Variants in LRRC7 observed in about 807,000 individuals in gnomAD.
LRRC7 encodes leucine rich repeat containing 7, also known as leucine-rich repeat-containing protein 7.
In LRRC7, 23 loss-of-function variants were observed where a neutral mutation model predicts 175.7. The observed-to-expected ratio is 0.13, with a 90% CI of 0.09 to 0.19. The LOEUF is 0.19. Ranked by LOEUF, LRRC7 falls within the 10% of genes least tolerant of loss-of-function variation. LRRC7 has a pLI of 1.00. For synonymous variants in LRRC7, 685 were observed against 680.9 expected, an observed-to-expected ratio of 1.01 and a Z score of -0.09; for missense variants, 1,354 against 1,904.7, an observed-to-expected ratio of 0.71 and a Z score of 5.38.
chr1:69,837,919 T>G (rs937765240), intron 6 of LRRC7, among the ~76,000 whole-genome samples: 1 of 151,462 alleles, frequency 6.6e-6, no homozygotes, highest in Non-Finnish European at 1.5e-5. Context: ...CATAGTAAAA[T>G]TTATTTTTAT....
chr1:69,903,158 A>C (rs1646186922), intron 7 of LRRC7, among the ~76,000 whole-genome samples: 1 of 152,190 alleles, frequency 6.6e-6, no homozygotes, highest in South Asian at 2.1e-4. Context: ...TTTGTTCTTA[A>C]GTTGCCATTG....
rs184994299 is a variant in LRRC7, at chr1:69,652,687, A to G, written c.3-25694A>G. ...GAACCTCAAAGGACTCTGAATAGCC[A>G]TAACAGTCTTCAAAAAAAAAATAAT... On this transcript the variant is annotated intron_variant, in intron 1 of 26. Coordinates refer to ENST00000651989, the MANE Select transcript of LRRC7 (RefSeq NM_001370785.2). 9.2e-3 allele frequency among the ~76,000 whole-genome samples: 1,397 copies of G among 152,162 alleles called. 11 individuals carry two copies. The highest frequency in any genetic ancestry group is 0.013 in the Non-Finnish European group (853 of 67,986).
Position 70,136,511 on chromosome 1 carries a change from CA to C in LRRC7, c.*14628del, listed in dbSNP as rs1448685458. On this transcript the variant is annotated 3_prime_UTR_variant, in exon 27 of 27. Transcript: ENST00000651989. ...ATGTTAATGAACAAGGGGTTATGTTCAAAATTCTATTATAAGAACAATGGAA... is the reference window on the plus strand; with the variant it reads ...ATGTTAATGAACAAGGGGTTATGTTCAAATTCTATTATAAGAACAATGGAA... Among the ~76,000 whole-genome samples, 2 of 151,868 alleles carry C rather than the reference CA, an allele frequency of 1.3e-5. No individual in the cohort carries two copies. The highest frequency in any genetic ancestry group is 2.9e-5 in the Non-Finnish European group (2 of 67,976).
intron 1 of LRRC7, among the ~76,000 whole-genome samples, chr1:69,633,057 A>T (rs1652761522): frequency 6.6e-6 from 1 of 151,978 alleles, no homozygotes; most frequent in African/African-American, 2.4e-5. Context: ...TCTTTGTGGG[A>T]TAATATCTGA....
At chr1:69,637,381 G>A (rs968055722) in intron 1 of LRRC7, among the ~76,000 whole-genome samples, 3 of 151,776 alleles carry the variant, frequency 2.0e-5, no homozygotes, top group Non-Finnish European at 2.9e-5. Context: ...AAGTCTTGGG[G>A]TTAATTCTAC....
chr1:70,076,036 A>G (rs1191682511), intron 23 of LRRC7, 41 bp from the exon 24 acceptor site: 1 of 1,604,890 alleles, frequency 6.2e-7, no homozygotes, highest in Admixed American at 1.7e-5. Context: ...ACATCCTTTC[A>G]GCACCATGAA....
In LRRC7 at chr1:70,141,115, A is replaced by G. The variant is rs1382565851; in HGVS notation, c.*19228A>G. The stretch of plus-strand genomic sequence containing the variant: ...GGAGTCATCCCAGAGTTCTAAGCTC[A>G]TAAAGAGGAAGAGATAACAAAAGAT... On this transcript the variant is annotated 3_prime_UTR_variant, in exon 27 of 27. Transcript: ENST00000651989. 6.6e-6 allele frequency among the ~76,000 whole-genome samples: 1 copy of G among 152,112 alleles called. No individual in the cohort carries two copies. Among genetic ancestry groups the G allele is most frequent in the East Asian group, 1.9e-4 (1 of 5,178 alleles).
chr1:69,982,038 C>A (rs1392888213), intron 9 of LRRC7, among the ~76,000 whole-genome samples: 1 of 152,188 alleles, frequency 6.6e-6, no homozygotes, highest in East Asian at 1.9e-4. Flanking sequence ...CCCAAAGGCT[C>A]TCTATGGAAC....
At chr1:69,633,555 A>C (rs1652848149) in intron 1 of LRRC7, among the ~76,000 whole-genome samples, 1 of 151,950 alleles carries the variant, frequency 6.6e-6, no homozygotes. Context: ...CAGCCTCCCA[A>C]GTAGGTGGTA....
chr1:69,612,266 A>T (rs1268403671), intron 1 of LRRC7, among the ~76,000 whole-genome samples: 1 of 152,074 alleles, frequency 6.6e-6, no homozygotes, highest in Non-Finnish European at 1.5e-5. Flanking sequence ...ACTATATCAA[A>T]ACTTGATCTG....
At chr1:69,882,045 G>C (rs1311571473) in intron 7 of LRRC7, among the ~76,000 whole-genome samples, 1 of 145,010 alleles carries the variant, frequency 6.9e-6, no homozygotes, top group Non-Finnish European at 1.5e-5. Flanking sequence ...AAATAACCCA[G>C]TTTACAAAAT....
intron 2 of LRRC7, among the ~76,000 whole-genome samples, chr1:69,709,863 A>G (rs568818362): frequency 6.6e-6 from 1 of 152,230 alleles, no homozygotes; most frequent in African/African-American, 2.4e-5. Flanking sequence ...AGATTTTTTA[A>G]GTTTATTTCT....
intron 11 of LRRC7, among the ~76,000 whole-genome samples, chr1:69,997,609 A>G (rs1174742921): frequency 1.3e-5 from 2 of 150,982 alleles, no homozygotes; most frequent in South Asian, 4.2e-4. Flanking sequence ...TTTTAGCATG[A>G]AGGGTTGTTG....
In LRRC7 at chr1:69,715,371, A is replaced by T. The variant is rs1665226968; in HGVS notation, c.100+36893A>T. Among the ~76,000 whole-genome samples the T allele has an allele frequency of 2.0e-5, 3 of 152,292 alleles. No homozygotes were observed. The South Asian group carries it at 6.2e-4, about 32-fold the overall frequency. On this transcript the variant is annotated intron_variant, in intron 2 of 26. Coordinates refer to ENST00000651989, the MANE Select transcript of LRRC7 (RefSeq NM_001370785.2). ...TATAAAGGCTCTATATTGAGTATTCAAATTAATAAATTTAAAGTACATTTT... is the reference window on the plus strand; with the variant it reads ...TATAAAGGCTCTATATTGAGTATTCTAATTAATAAATTTAAAGTACATTTT...
At chr1:69,619,624 C>A (rs1773343) in intron 1 of LRRC7, among the ~76,000 whole-genome samples, 19,526 of 152,010 alleles carry the variant, frequency 0.13, 1,600 homozygotes, top group South Asian at 0.19. Context: ...AATTTCCCCC[C>A]AAAATTAACA....
At chr1:69,857,676 C>G (rs1389947836) in intron 7 of LRRC7, among the ~76,000 whole-genome samples, 1 of 152,096 alleles carries the variant, frequency 6.6e-6, no homozygotes, top group Non-Finnish European at 1.5e-5. Flanking sequence ...GTAAAAATGG[C>G]CATACTGCCC....
At chr1:69,673,635 C>T (rs1659402935) in intron 1 of LRRC7, among the ~76,000 whole-genome samples, 1 of 152,082 alleles carries the variant, frequency 6.6e-6, no homozygotes. Flanking sequence ...GTTCAAGTAA[C>T]CAGAAGTGTA....
intron 18 of LRRC7, among the ~76,000 whole-genome samples, chr1:70,029,559 T>C (rs1658486441): frequency 6.6e-6 from 1 of 152,162 alleles, no homozygotes; most frequent in Non-Finnish European, 1.5e-5. Context: ...TTATACTTTT[T>C]CCTTTCCAAA....
At chr1:69,891,069 T>C (rs1418184977) in intron 7 of LRRC7, among the ~76,000 whole-genome samples, 1 of 152,254 alleles carries the variant, frequency 6.6e-6, no homozygotes, top group Non-Finnish European at 1.5e-5. Context: ...GCACTTTTGA[T>C]TTCCTTCAAG....
Sources: allele counts gnomAD v4.1 joint callset (sites outside exome capture counted in the v4.1 genomes callset), GRCh38; gene constraint gnomAD v4.1.1; transcripts MANE v1.5; gene names NCBI Gene and HGNC (gene_info 2026-07-23, HGNC 2026-07-21).